STARD9: variants seen among roughly 807,000 people sequenced by gnomAD.
STARD9 encodes stAR-related lipid transfer protein 9.
A neutral mutation model predicts 399.8 loss-of-function variants in STARD9; 346 were observed. The observed-to-expected ratio is 0.87, with a 90% CI of 0.79 to 0.95. The LOEUF is 0.95. Among genes scored for constraint, STARD9 ranks in the 40% least tolerant of loss-of-function variants. The pLI, the probability that STARD9 is intolerant of heterozygous loss-of-function variation, is 0.00. For missense variants in STARD9, 5,832 were observed against 5,667.5 expected, an observed-to-expected ratio of 1.03 and a Z score of -0.93; for synonymous variants, 2,203 against 2,143.5, an observed-to-expected ratio of 1.03 and a Z score of -0.77.
In STARD9 at chr15:42,685,709, G is replaced by A; in HGVS notation, c.4131G>A (p.Trp1377Ter). The A allele has an allele frequency of 6.5e-7, 1 of 1,537,356 alleles. No individual in the cohort carries two copies. The highest frequency in any genetic ancestry group is 8.7e-7 in the Non-Finnish European group (1 of 1,146,986). ...HSCKGERPGY[W>*]PNTEELKPSD... ...GTAAGGGGGAGAGGCCTGGATACTG[G>A]CCAAATACTGAGGAACTAAAGCCAT... Residue 1377 changes from tryptophan (W) to a stop codon, truncating the protein, a stop_gained, in exon 23 of 33, where the codon TGG becomes TGA. Transcript: ENST00000290607. LOFTEE classifies it high-confidence loss of function.
intron 1 of STARD9, chr15:42,581,309 C>T: frequency 2.4e-6 from 3 of 1,240,776 alleles, no homozygotes; most frequent in Non-Finnish European, 3.5e-6. Flanking sequence ...TGCGAAGATC[C>T]AACAGAAACT....
intron 9 of STARD9, among the ~76,000 whole-genome samples, chr15:42,658,288 G>GGTGTGTGT (rs56286330): frequency 0.04 from 5,888 of 145,888 alleles, 141 homozygotes; most frequent in Non-Finnish European, 0.053. Flanking sequence ...GGGACTTACA[G>GGTGTGTGT]GTGTGTGTGT....
In STARD9 at chr15:42,687,302, C is replaced by A; in HGVS notation, c.5724C>A (p.Leu1908=). 1 of 1,536,804 alleles carries A rather than the reference C, an allele frequency of 6.5e-7. No individual in the cohort carries two copies. Among genetic ancestry groups the A allele is most frequent in the Non-Finnish European group, 8.7e-7 (1 of 1,146,912 alleles). ...ACAGCACTGAGTCTGGGAAGTCTCT[C>A]CTCTTTCGTGAATCTGAGGCACGAG... is the stretch of plus-strand genomic sequence containing the variant. ...SSDSTESGKS[L]LFRESEAREE... The change falls in exon 23 of 33, where the codon CTC becomes CTA. Residue 1908 remains leucine (L), a synonymous_variant. Transcript: ENST00000290607.
intron 3 of STARD9, among the ~76,000 whole-genome samples, chr15:42,623,160 G>T (rs932349108): frequency 6.6e-6 from 1 of 152,282 alleles, no homozygotes; most frequent in East Asian, 1.9e-4. Flanking sequence ...GCTGAGGCAG[G>T]AGAATTGCTT....
At chr15:42,601,360 A>G (rs1033459939) in intron 3 of STARD9, among the ~76,000 whole-genome samples, 1 of 152,020 alleles carries the variant, frequency 6.6e-6, no homozygotes, top group African/African-American at 2.4e-5. Context: ...ATCATGGCCC[A>G]TTCTCAGTGA....
intron 3 of STARD9, among the ~76,000 whole-genome samples, chr15:42,632,174 C>A (rs548142712): frequency 1.3e-4 from 20 of 152,206 alleles, no homozygotes; most frequent in East Asian, 1.2e-3. Context: ...GCTGAATTGA[C>A]CCCTTTCTGA....
chr15:42,640,051 A>T (rs771264011), intron 7 of STARD9, among the ~76,000 whole-genome samples: 8 of 152,108 alleles, frequency 5.3e-5, no homozygotes, highest in Non-Finnish European at 1.0e-4. Context: ...TCTCCCAGGT[A>T]GCTAGGGCTA....
At position 42,695,229 on chromosome 15, in the gene STARD9, A is replaced by C. The variant is rs1366585012; in HGVS notation, c.13052A>C (p.Lys4351Thr). The C allele has an allele frequency of 1.3e-6, 2 of 1,537,200 alleles. No homozygotes were observed. The highest frequency in any genetic ancestry group is 8.7e-7 in the Non-Finnish European group (1 of 1,146,868). The part of the protein sequence containing the change: ...QDYQQAHEEA[K>T]VEIARARDQL... ...TACCAGCAGGCCCATGAGGAGGCCA[A>C]GGTGGAGATTGCCCGGGCCCGAGAC... is the stretch of plus-strand genomic sequence containing the variant. The change falls in exon 25 of 33, where the codon AAG (lysine) becomes ACG (threonine). Residue 4351 changes from lysine to threonine, a missense_variant. Around this residue, in one of 2 missense-constraint regions of STARD9, gnomAD observed 5,828 missense variants for 5,651.1 expected, o/e 1.03. Coordinates refer to ENST00000290607, the MANE Select transcript of STARD9 (RefSeq NM_020759.3).
intron 7 of STARD9, among the ~76,000 whole-genome samples, chr15:42,642,795 T>C (rs1238077339): frequency 6.6e-6 from 1 of 152,154 alleles, no homozygotes; most frequent in Non-Finnish European, 1.5e-5. Context: ...CCAGTTTTTT[T>C]TGTGGTGGTG....
chr15:42,602,928 A>G (rs903840667), intron 3 of STARD9, among the ~76,000 whole-genome samples: 1 of 152,268 alleles, frequency 6.6e-6, no homozygotes, highest in East Asian at 1.9e-4. Context: ...AGTTCTGGGA[A>G]GTTGGCGTGA....
intron 3 of STARD9, among the ~76,000 whole-genome samples, chr15:42,608,206 T>A (rs1051954814): frequency 8.5e-5 from 13 of 152,148 alleles, no homozygotes; most frequent in African/African-American, 3.1e-4. Context: ...ATCTTGTGAC[T>A]CTGGCATGCA....
chr15:42,639,713 G>T (rs2059495226), intron 7 of STARD9, among the ~76,000 whole-genome samples: 1 of 151,874 alleles, frequency 6.6e-6, no homozygotes, highest in South Asian at 2.1e-4. Context: ...AAATACAAAA[G>T]ATTAGCTGGG....
At position 42,575,646 on chromosome 15, in the gene STARD9, C is replaced by G. The variant is rs2058036131; in HGVS notation, c.-70C>G. The G allele has an allele frequency of 8.0e-6, 12 of 1,506,098 alleles. No individual in the cohort carries two copies. The highest frequency in any genetic ancestry group is 8.9e-6 in the Non-Finnish European group (10 of 1,121,126). 93.3% of individuals were successfully genotyped at this position (1,506,098 alleles called of 1,614,324 possible). A position where few individuals can be genotyped will look rare whatever the true frequency, so the allele number is the denominator to read the frequency against. ...GGGCGGGGCTGGGTTGGGGCTGTGT[C>G]TGGGCTTAGGGCGGGGGCCTGGGAT... On this transcript the variant is annotated 5_prime_UTR_variant, in exon 1 of 33. Transcript: ENST00000290607.
intron 3 of STARD9, among the ~76,000 whole-genome samples, chr15:42,593,911 G>A (rs189484531): frequency 2.6e-5 from 4 of 151,720 alleles, no homozygotes; most frequent in East Asian, 1.9e-4. Flanking sequence ...CTCATGATCC[G>A]CCCGCCTCGG....
At chr15:42,713,312 ATTAG>A (rs1392583437) in intron 26 of STARD9, among the ~76,000 whole-genome samples, 1 of 152,100 alleles carries the variant, frequency 6.6e-6, no homozygotes, top group Non-Finnish European at 1.5e-5. Context: ...GAATTCATTT[ATTAG>A]TTCTGATGGT....
At chr15:42,607,239 G>T (rs2899060) in intron 3 of STARD9, among the ~76,000 whole-genome samples, 1,158 of 111,880 alleles carry the variant, frequency 0.01, 21 homozygotes, top group African/African-American at 0.038. Context: ...GTCTCTCTCT[G>T]TCACCCAGGC....
intron 26 of STARD9, among the ~76,000 whole-genome samples, chr15:42,710,887 TGC>T (rs2061201241): frequency 7.4e-6 from 1 of 134,734 alleles, no homozygotes; most frequent in South Asian, 2.4e-4. Context: ...CTCTCACTTG[TGC>T]GCTCTCTCTC....
At chr15:42,595,030 G>A (rs1260610892) in intron 3 of STARD9, among the ~76,000 whole-genome samples, 1 of 152,198 alleles carries the variant, frequency 6.6e-6, no homozygotes, top group African/African-American at 2.4e-5. Flanking sequence ...AAGTACGCAG[G>A]ATGAGCTGGA....
chr15:42,697,753 C>A (rs1287203381), intron 26 of STARD9, among the ~76,000 whole-genome samples: 1 of 152,176 alleles, frequency 6.6e-6, no homozygotes, highest in East Asian at 1.9e-4. Flanking sequence ...TGTATTTTGA[C>A]ATGGATCCTA....
Sources: gnomAD v4.1 joint callset for allele counts (sites outside exome capture counted in the v4.1 genomes callset) on GRCh38, gnomAD v4.1.1 for gene constraint, gnomAD v4.1.1 regional missense constraint, MANE v1.5 for transcripts, NCBI Gene and HGNC (gene_info 2026-07-23, HGNC 2026-07-21) for gene names.